The following GSE1 variants were observed in gnomAD, a reference collection of about 807,000 sequenced individuals.
GSE1 encodes Gse1 coiled-coil protein.
A neutral mutation model predicts 112.6 loss-of-function variants in GSE1; 32 were observed. The observed-to-expected ratio is 0.28, with a 90% CI of 0.21 to 0.38. The LOEUF (loss-of-function observed/expected upper bound fraction) is 0.38, where lower values mean the gene tolerates loss of function less well. GSE1 is among the 10% of genes least tolerant of loss of function. The pLI, the probability that GSE1 is intolerant of heterozygous loss-of-function variation, is 1.00. For missense variants in GSE1, 2,348 were observed against 1,699.2 expected (o/e 1.38, Z -6.71); for synonymous variants, 1,115 against 735.6 (o/e 1.52, Z -8.35).
At chr16:85,297,664 T>A (rs930699773) in intron 1 of GSE1, among the ~76,000 whole-genome samples, 72 of 152,186 alleles carry the variant, frequency 4.7e-4, no homozygotes, top group African/African-American at 1.6e-3. Flanking sequence ...CCAAAGTGCC[T>A]GGCTAATTTT....
At chr16:85,446,322 C>T (rs779462052) in intron 2 of GSE1, among the ~76,000 whole-genome samples, 2 of 152,200 alleles carry the variant, frequency 1.3e-5, no homozygotes, top group Non-Finnish European at 2.9e-5. Context: ...AGACCTTGGG[C>T]GGTAGCTGCA....
chr16:85,452,060 T>G (rs887200393), intron 2 of GSE1, among the ~76,000 whole-genome samples: 15 of 151,614 alleles, frequency 9.9e-5, no homozygotes, highest in African/African-American at 3.2e-4. Flanking sequence ...GGTGTCAGGT[T>G]AGACCATGGC....
chr16:85,479,824 C>T (rs373243873), intron 2 of GSE1, among the ~76,000 whole-genome samples: 3 of 152,162 alleles, frequency 2.0e-5, no homozygotes, highest in African/African-American at 7.2e-5. Context: ...AGCAGCTCTG[C>T]AGTGGGGCTG....
At position 85,663,624 on chromosome 16, in the gene GSE1, C is replaced by T. The variant is rs200681665; in HGVS notation, c.2644+10C>T. ...GCTGAGAAGAGGAAAGGTAGGGCCTCGCCTGGGTAGGAAGGTGGGGGCTCA... is the reference window on the plus strand; with the variant it reads ...GCTGAGAAGAGGAAAGGTAGGGCCTTGCCTGGGTAGGAAGGTGGGGGCTCA... On this transcript the variant is annotated intron_variant, in intron 11 of 15. Coordinates refer to ENST00000253458, the MANE Select transcript of GSE1 (RefSeq NM_014615.5). The T allele has an allele frequency of 6.5e-4, 1,036 of 1,605,016 alleles. 1 individual carries two copies. The highest frequency in any genetic ancestry group is 7.9e-4 in the Non-Finnish European group (924 of 1,174,926).
exon 1 of GSE1, chr16:85,171,735 G>A: frequency 3.0e-6 from 3 of 985,660 alleles, no homozygotes; most frequent in Non-Finnish European, 3.6e-6. Flanking sequence ...GTGGGACCCT[G>A]GTGTGTGCGG....
At chr16:85,213,980 G>A (rs1468137302) in intron 1 of GSE1, among the ~76,000 whole-genome samples, 3 of 152,220 alleles carry the variant, frequency 2.0e-5, no homozygotes, top group African/African-American at 4.8e-5. Context: ...AAAAGAGAGA[G>A]GGCTGTTAAG....
At chr16:85,172,674 T>A (rs938590320) in intron 1 of GSE1, among the ~76,000 whole-genome samples, 9 of 152,188 alleles carry the variant, frequency 5.9e-5, no homozygotes, top group African/African-American at 2.2e-4. Context: ...CCAAAGACAG[T>A]CAGTGCGACT....
At chr16:85,657,252 T>C in intron 7 of GSE1, 25 bp from the exon 8 acceptor site, 1 of 1,497,024 alleles carries the variant, frequency 6.7e-7, no homozygotes. Flanking sequence ...GCTGAGATCC[T>C]GCTTGACCGT....
intron 1 of GSE1, among the ~76,000 whole-genome samples, chr16:85,250,781 C>T (rs1261023324): frequency 6.6e-6 from 1 of 152,092 alleles, no homozygotes; most frequent in African/African-American, 2.4e-5. Context: ...TAGACTATTT[C>T]CACCACCCCC....
At chr16:85,280,498 C>T (rs1419354329) in intron 1 of GSE1, among the ~76,000 whole-genome samples, 2 of 152,170 alleles carry the variant, frequency 1.3e-5, no homozygotes, top group South Asian at 4.1e-4. Flanking sequence ...TGGGTTTAAG[C>T]GATTCTCCTG....
chr16:85,355,533 C>T (rs1487148131), intron 1 of GSE1, among the ~76,000 whole-genome samples: 1 of 152,192 alleles, frequency 6.6e-6, no homozygotes, highest in Non-Finnish European at 1.5e-5. Context: ...AGAGCAGACG[C>T]CGACAGCCAG....
rs116639325 is a variant in GSE1 at position 85,379,085 on chromosome 16, G to C, written c.2464+21442G>C. Among the ~76,000 whole-genome samples the C allele has an allele frequency of 5.7e-3, 870 of 152,226 alleles. 11 individuals are homozygous for C. The highest frequency in any genetic ancestry group is 0.02 in the African/African-American group (823 of 41,536). On this transcript the variant is annotated intron_variant, in intron 2 of 2. Coordinates refer to the GSE1 transcript ENST00000637419. ...CAGAGCCGCTATGACTCTCCCCAGA[G>C]AGCTGCCATCTCCCTGCACTCTCCC...
chr16:85,389,217 T>C (rs757422344), intron 2 of GSE1, among the ~76,000 whole-genome samples: 2 of 152,112 alleles, frequency 1.3e-5, no homozygotes, highest in African/African-American at 2.4e-5. Flanking sequence ...CCCAGCACTT[T>C]GGGAGGCCAA....
intron 2 of GSE1, among the ~76,000 whole-genome samples, chr16:85,532,638 G>A (rs145876746): frequency 2.3e-3 from 353 of 152,138 alleles, no homozygotes; most frequent in Admixed American, 4.8e-3. Context: ...GCCTCCCACC[G>A]CCCCGCACTG....
chr16:85,624,970 G>A (rs535647155), intron 1 of GSE1, among the ~76,000 whole-genome samples: 1 of 152,336 alleles, frequency 6.6e-6, no homozygotes, highest in East Asian at 1.9e-4. Flanking sequence ...TTACGTAAAG[G>A]GAAGTAAGGG....
chr16:85,234,816 T>G (rs1054944511), intron 1 of GSE1, among the ~76,000 whole-genome samples: 1 of 151,698 alleles, frequency 6.6e-6, no homozygotes, highest in Non-Finnish European at 1.5e-5. Context: ...GTGGAGGCGG[T>G]GGGAGCCGCG....
rs566572434 is a variant in GSE1 at position 85,224,728 on chromosome 16, G to A, written c.2283+52921G>A. Reference sequence around the variant, plus strand: ...AAGTTGGCTGGGCGCAGTGGCTCACGCCTGTAATCCCAGCACTTTGGGAGG... The same window carrying A: ...AAGTTGGCTGGGCGCAGTGGCTCACACCTGTAATCCCAGCACTTTGGGAGG... On this transcript the variant is annotated intron_variant, in intron 1 of 2. Transcript: ENST00000637419. Among the ~76,000 whole-genome samples the A allele has an allele frequency of 2.0e-5, 3 of 152,168 alleles. No individual in the cohort carries two copies. In the East Asian group the frequency reaches 5.8e-4, roughly 29 times the overall value.
chr16:85,619,849 A>G (rs2048619140), intron 1 of GSE1, among the ~76,000 whole-genome samples: 1 of 152,116 alleles, frequency 6.6e-6, no homozygotes, highest in Non-Finnish European at 1.5e-5. Flanking sequence ...GGGGATCCAT[A>G]TCCTCCCTGT....
At chr16:85,649,406 G>T (rs1341579739) in intron 3 of GSE1, among the ~76,000 whole-genome samples, 2 of 152,220 alleles carry the variant, frequency 1.3e-5, no homozygotes, top group Non-Finnish European at 2.9e-5. Flanking sequence ...AAAGATCCCA[G>T]CCCAGACGCT....
Sources: gnomAD v4.1 joint callset for allele counts (sites outside exome capture counted in the v4.1 genomes callset) on GRCh38, gnomAD v4.1.1 for gene constraint, MANE v1.5 for transcripts, NCBI Gene and HGNC (gene_info 2026-07-23, HGNC 2026-07-21) for gene names.